Variants in RBFOX1 observed in about 807,000 individuals in gnomAD.
The protein encoded by RBFOX1 is RNA binding protein fox-1 homolog 1.
Under a neutral mutation model 57.7 loss-of-function variants are expected in RBFOX1, and 8 were observed. The observed-to-expected ratio is 0.14, with a 90% CI of 0.08 to 0.25. The LOEUF (loss-of-function observed/expected upper bound fraction) is 0.25. Among genes scored for constraint, RBFOX1 ranks in the 10% least tolerant of loss-of-function variants. The pLI is 1.00. For synonymous variants in RBFOX1, 326 were observed against 222.4 expected (o/e 1.47, Z -4.15); for missense variants, 611 against 548.5 (o/e 1.11, Z -1.14).
intron 3 of RBFOX1, among the ~76,000 whole-genome samples, chr16:5,849,636 G>A (rs904679324): frequency 3.3e-5 from 5 of 152,190 alleles, no homozygotes; most frequent in Admixed American, 1.3e-4. Context: ...TGGAAGTGCC[G>A]ACTGCTCACG....
At chr16:6,193,379 T>TATATACTA (rs1555545337) in intron 1 of RBFOX1, among the ~76,000 whole-genome samples, 40 of 63,094 alleles carry the variant, frequency 6.3e-4, no homozygotes, top group Non-Finnish European at 1.2e-3. Flanking sequence ...TATATATACA[T>TATATACTA]TATATATATA....
intron 1 of RBFOX1, among the ~76,000 whole-genome samples, chr16:6,089,686 G>T (rs1247239887): frequency 1.3e-5 from 2 of 152,162 alleles, no homozygotes; most frequent in East Asian, 1.9e-4. Context: ...GTTCTTAGCT[G>T]GTGGAGGCCT....
chr16:6,193,375 T>TATATACATTATATATATATATATAC (rs1555545321), intron 1 of RBFOX1, among the ~76,000 whole-genome samples: 11 of 64,860 alleles, frequency 1.7e-4, no homozygotes, highest in African/African-American at 4.4e-4. Context: ...TATATATATA[T>TATATACATTATATATATATATATAC]ACATTATATA....
chr16:7,624,425 T>C (rs2059768161), intron 10 of RBFOX1, among the ~76,000 whole-genome samples: 1 of 152,230 alleles, frequency 6.6e-6, no homozygotes, highest in Non-Finnish European at 1.5e-5. Context: ...ATATTCAGAA[T>C]CATTCTTTTG....
At chr16:5,775,979 G>T (rs547973448) in intron 3 of RBFOX1, among the ~76,000 whole-genome samples, 36 of 152,256 alleles carry the variant, frequency 2.4e-4, no homozygotes, top group African/African-American at 7.5e-4. Flanking sequence ...GATGAGCGAT[G>T]AGCTCTACAT....
chr16:6,682,762 C>G (rs916149904), intron 3 of RBFOX1, among the ~76,000 whole-genome samples: 3 of 149,422 alleles, frequency 2.0e-5, no homozygotes, highest in Admixed American at 6.8e-5. Context: ...TAGATTCATA[C>G]TAAAATATTT....
intron 4 of RBFOX1, among the ~76,000 whole-genome samples, chr16:5,875,815 G>A (rs2151910025): frequency 6.6e-6 from 1 of 151,792 alleles, no homozygotes; most frequent in African/African-American, 2.4e-5. Context: ...CTGTTGCTGT[G>A]AGGTTTGGGG....
chr16:7,202,245 CAA>C (rs1567686779), intron 4 of RBFOX1, among the ~76,000 whole-genome samples: 1 of 143,202 alleles, frequency 7.0e-6, no homozygotes, highest in Non-Finnish European at 1.5e-5. Flanking sequence ...AGAGAAAAGA[CAA>C]ATAAAAATTA....
intron 4 of RBFOX1, among the ~76,000 whole-genome samples, chr16:7,438,889 C>G (rs1052649184): frequency 6.6e-6 from 1 of 152,186 alleles, no homozygotes; most frequent in Non-Finnish European, 1.5e-5. Flanking sequence ...ATCTATACTG[C>G]ATGAATCCCC....
chr16:7,271,916 A>T (rs1392055801), intron 4 of RBFOX1, among the ~76,000 whole-genome samples: 1 of 152,032 alleles, frequency 6.6e-6, no homozygotes, highest in Non-Finnish European at 1.5e-5. Context: ...TGAGTGCCCC[A>T]GTCCTGCTGG....
At chr16:6,313,575 T>C (rs770938100) in intron 1 of RBFOX1, among the ~76,000 whole-genome samples, 7 of 152,180 alleles carry the variant, frequency 4.6e-5, no homozygotes, top group Non-Finnish European at 1.0e-4. Context: ...CGGTTTGCTA[T>C]TTTGTGCATC....
chr16:7,184,426 A>G (rs771183511), intron 4 of RBFOX1, among the ~76,000 whole-genome samples: 65 of 152,228 alleles, frequency 4.3e-4, no homozygotes, highest in Admixed American at 1.6e-3. Flanking sequence ...TAGCATATCC[A>G]CAAACACCTC....
At chr16:6,075,417 A>G (rs1362965101) in intron 1 of RBFOX1, among the ~76,000 whole-genome samples, 3 of 152,222 alleles carry the variant, frequency 2.0e-5, no homozygotes, top group African/African-American at 7.2e-5. Flanking sequence ...GCAGAGAACA[A>G]TACAGAGAAA....
intron 2 of RBFOX1, among the ~76,000 whole-genome samples, chr16:6,434,161 C>CT (rs1163401825): frequency 6.6e-6 from 1 of 152,030 alleles, no homozygotes; most frequent in African/African-American, 2.4e-5. Flanking sequence ...TCTAAGGGCA[C>CT]TTGTGATAAC....
chr16:5,399,215 G>A (rs1390541423), intron 1 of RBFOX1, among the ~76,000 whole-genome samples: 1 of 152,152 alleles, frequency 6.6e-6, no homozygotes, highest in Non-Finnish European at 1.5e-5. Context: ...AAATGGGCAC[G>A]TGATAATGCC....
intron 4 of RBFOX1, among the ~76,000 whole-genome samples, chr16:5,984,733 G>A (rs1051622156): frequency 1.3e-5 from 2 of 151,926 alleles, no homozygotes; most frequent in Non-Finnish European, 2.9e-5. Flanking sequence ...GGCACTTAAC[G>A]CAAACCTAGA....
chr16:7,691,213 T>TA (rs2077242730), intron 14 of RBFOX1, among the ~76,000 whole-genome samples: 1 of 127,654 alleles, frequency 7.8e-6, no homozygotes, highest in Non-Finnish European at 1.8e-5. Flanking sequence ...AACTCTGCCT[T>TA]GAAACAGATG....
intron 3 of RBFOX1, among the ~76,000 whole-genome samples, chr16:6,696,402 C>T (rs1462377392): frequency 6.6e-6 from 1 of 152,146 alleles, no homozygotes; most frequent in Non-Finnish European, 1.5e-5. Context: ...AACCTCAATT[C>T]ATTTTCTTCC....
chr16:5,784,451 G>A (rs1393136085), intron 3 of RBFOX1, among the ~76,000 whole-genome samples: 3 of 151,960 alleles, frequency 2.0e-5, no homozygotes, highest in African/African-American at 7.2e-5. Flanking sequence ...GAGGAAGCAG[G>A]CACATCTTAC....
Sources: allele counts gnomAD v4.1 joint callset (sites outside exome capture counted in the v4.1 genomes callset), GRCh38; gene constraint gnomAD v4.1.1; transcripts MANE v1.5; gene names NCBI Gene and HGNC (gene_info 2026-07-23, HGNC 2026-07-21).